Variants in PLCB4 observed in about 807,000 individuals in gnomAD.
PLCB4 encodes the protein phospholipase C beta 4.
PLCB4 carries 77 observed loss-of-function variants against 178.8 expected under a neutral mutation model. The observed-to-expected ratio is 0.43, with a 90% CI of 0.36 to 0.52. The LOEUF (loss-of-function observed/expected upper bound fraction) is 0.52, where lower values mean the gene tolerates loss of function less well. Ranked by LOEUF, PLCB4 falls within the 20% of genes least tolerant of loss-of-function variation. PLCB4 has a pLI of 0.00. For synonymous variants in PLCB4, 496 were observed against 490.8 expected (o/e 1.01, Z -0.14); for missense variants, 1,024 against 1,453.4 (o/e 0.70, Z 4.80).
chr20:9,081,538 T>G (rs1403641815), intron 1 of PLCB4, among the ~76,000 whole-genome samples: 4 of 152,138 alleles, frequency 2.6e-5, no homozygotes, highest in Admixed American at 6.5e-5. Flanking sequence ...GTTGTCATCT[T>G]CCTGTAAAGC....
At chr20:9,099,339 C>T (rs2091051293) in intron 2 of PLCB4, among the ~76,000 whole-genome samples, 1 of 152,068 alleles carries the variant, frequency 6.6e-6, no homozygotes, top group African/African-American at 2.4e-5. Context: ...TTACTAGGGG[C>T]AATAGAGGAA....
At chr20:9,417,112 G>A (rs2040302855) in intron 25 of PLCB4, among the ~76,000 whole-genome samples, 1 of 152,082 alleles carries the variant, frequency 6.6e-6, no homozygotes, top group South Asian at 2.1e-4. Flanking sequence ...ACATTTAAAA[G>A]CAAACCTTTA....
chr20:9,123,798 C>A (rs1156662032), intron 2 of PLCB4, among the ~76,000 whole-genome samples: 1 of 151,844 alleles, frequency 6.6e-6, no homozygotes, highest in African/African-American at 2.4e-5. Context: ...GTATACAAAA[C>A]CTGTATAACA....
chr20:9,149,487 C>T (rs1257189937), intron 2 of PLCB4, among the ~76,000 whole-genome samples: 2 of 152,152 alleles, frequency 1.3e-5, no homozygotes, highest in Non-Finnish European at 2.9e-5. Flanking sequence ...ATTGAATTTG[C>T]CTTCTCTTGC....
intron 4 of PLCB4, among the ~76,000 whole-genome samples, chr20:9,325,880 G>A (rs764041595): frequency 2.0e-5 from 3 of 152,032 alleles, no homozygotes; most frequent in South Asian, 2.1e-4. Context: ...CCATACACTC[G>A]GCAGCTATAA....
chr20:9,444,609 A>G (rs1424933235), intron 32 of PLCB4, among the ~76,000 whole-genome samples: 1 of 152,116 alleles, frequency 6.6e-6, no homozygotes, highest in African/African-American at 2.4e-5. Context: ...TAAAAATACA[A>G]AAATTAGCTG....
intron 2 of PLCB4, among the ~76,000 whole-genome samples, chr20:9,145,501 T>C (rs1006346147): frequency 6.6e-6 from 1 of 151,484 alleles, no homozygotes; most frequent in African/African-American, 2.4e-5. Context: ...GATACAATTA[T>C]CAAAGTTCTT....
At chr20:9,078,609 T>A (rs6118474) in intron 1 of PLCB4, among the ~76,000 whole-genome samples, 3 of 151,816 alleles carry the variant, frequency 2.0e-5, no homozygotes, top group South Asian at 2.1e-4. Context: ...TGATCTGCCC[T>A]CCTCAGCCTC....
intron 3 of PLCB4, among the ~76,000 whole-genome samples, chr20:9,263,987 C>A (rs1370183002): frequency 6.6e-6 from 1 of 152,126 alleles, no homozygotes; most frequent in Non-Finnish European, 1.5e-5. Flanking sequence ...TTCACTTCTG[C>A]CTCTGAAAGT....
At chr20:9,266,036 G>A (rs1601515428) in intron 3 of PLCB4, among the ~76,000 whole-genome samples, 1 of 152,192 alleles carries the variant, frequency 6.6e-6, no homozygotes, top group Admixed American at 6.5e-5. Flanking sequence ...TACCTGTGGT[G>A]AAGAGAAATC....
intron 2 of PLCB4, among the ~76,000 whole-genome samples, chr20:9,099,157 CAAA>C: frequency 6.6e-6 from 1 of 152,046 alleles, no homozygotes; most frequent in East Asian, 1.9e-4. Flanking sequence ...TTCTCATAAT[CAAA>C]GAAGCTCATA....
intron 7 of PLCB4, 92 bp downstream of exon 7, chr20:9,339,129 A>C: frequency 1.1e-6 from 1 of 940,860 alleles, no homozygotes; most frequent in East Asian, 2.6e-5. Context: ...ATATACTTAA[A>C]TTGTATGGTA....
rs540418457 is a variant in PLCB4 at position 9,248,894 on chromosome 20, TGGGCTAAAATCAA to T, written c.-16+31459_-16+31471del. On this transcript the variant is annotated intron_variant, in intron 3 of 39. Transcript: ENST00000378473. ...CTGGAAGTCAGAAGTCCAAAATCAC[TGGGCTAAAATCAA>T]GGGCTAAAATCAAGGGGCTGGCAGA... Among the ~76,000 whole-genome samples, 77 of 152,302 alleles carry T rather than the reference TGGGCTAAAATCAA, an allele frequency of 5.1e-4. 1 individual carries two copies. In the South Asian group the frequency reaches 0.011, roughly 21 times the overall value.
chr20:9,308,635 C>T (rs1266244198), intron 4 of PLCB4, among the ~76,000 whole-genome samples: 1 of 152,140 alleles, frequency 6.6e-6, no homozygotes, highest in Non-Finnish European at 1.5e-5. Flanking sequence ...CTTTCAAAAT[C>T]AATGAAATGT....
rs2044802784 is a variant in PLCB4 at position 9,480,382 on chromosome 20, T to C, written c.*1373T>C. 1 of 152,634 alleles carries C rather than the reference T, an allele frequency of 6.6e-6. No individual in the cohort carries two copies. Among genetic ancestry groups the C allele is most frequent in the African/African-American group, 2.4e-5 (1 of 41,446 alleles). 9.5% of individuals were successfully genotyped at this position (152,634 alleles called of 1,614,324 possible). A position where few individuals can be genotyped will look rare whatever the true frequency, so the allele number is the denominator to read the frequency against. ...TGTATATGCTTGTAAAAATTGATTC[T>C]GTGTGTTCCTCTGAACAAAGCGGAG... On this transcript the variant is annotated 3_prime_UTR_variant, in exon 40 of 40. Transcript: ENST00000378473.
At position 9,187,380 on chromosome 20, in the gene PLCB4, AG is replaced by A. The variant is rs2093343641; in HGVS notation, c.-78-30008del. Among the ~76,000 whole-genome samples the A allele has an allele frequency of 2.0e-5, 3 of 152,276 alleles. No individual in the cohort carries two copies. In the South Asian group the frequency reaches 6.2e-4, roughly 32 times the overall value. ...CTAAAACATTTGCACACCCCTGCTG[AG>A]GACCCTAATGACACTGTCTGTGTAC... is the stretch of plus-strand genomic sequence containing the variant. On this transcript the variant is annotated intron_variant, in intron 2 of 39. Transcript: ENST00000378473.
At chr20:9,309,699 A>C (rs896400845) in intron 4 of PLCB4, among the ~76,000 whole-genome samples, 4 of 152,184 alleles carry the variant, frequency 2.6e-5, no homozygotes, top group African/African-American at 9.6e-5. Flanking sequence ...TCATTGGTTC[A>C]GTATATCTCC....
intron 2 of PLCB4, among the ~76,000 whole-genome samples, chr20:9,136,783 G>T (rs2092393004): frequency 6.6e-6 from 1 of 152,130 alleles, no homozygotes; most frequent in African/African-American, 2.4e-5. Context: ...GAAGGATAGA[G>T]CTGAGAAATA....
intron 20 of PLCB4, among the ~76,000 whole-genome samples, chr20:9,404,889 C>A (rs569673168): frequency 1.3e-5 from 2 of 152,206 alleles, no homozygotes; most frequent in African/African-American, 4.8e-5. Flanking sequence ...AAGGCCCCAT[C>A]TTCAAATGCC....
Sources: allele counts gnomAD v4.1 joint callset (sites outside exome capture counted in the v4.1 genomes callset), GRCh38; gene constraint gnomAD v4.1.1; transcripts MANE v1.5; gene names NCBI Gene and HGNC (gene_info 2026-07-23, HGNC 2026-07-21).